The following ROBO2 variants were observed in gnomAD, a reference collection of about 807,000 sequenced individuals.
ROBO2 encodes roundabout homolog 2.
In ROBO2, 53 loss-of-function variants were observed where a neutral mutation model predicts 160.8. The observed-to-expected ratio is 0.33, with a 90% CI of 0.26 to 0.41. The LOEUF is 0.41. Ranked by LOEUF, ROBO2 falls within the 10% of genes least tolerant of loss-of-function variation. ROBO2 has a pLI of 1.00. For synonymous variants in ROBO2, 664 were observed against 611.7 expected (o/e 1.09, Z -1.26); for missense variants, 1,577 against 1,722.4 (o/e 0.92, Z 1.49).
intron 2 of ROBO2, among the ~76,000 whole-genome samples, chr3:76,753,034 A>G (rs142810522): frequency 0.014 from 2,090 of 152,008 alleles, 54 homozygotes; most frequent in African/African-American, 0.048. Flanking sequence ...GTTAAGTAAG[A>G]CATTTCTGGT....
At chr3:76,926,485 A>G (rs2076999384) in intron 2 of ROBO2, among the ~76,000 whole-genome samples, 1 of 152,098 alleles carries the variant, frequency 6.6e-6, no homozygotes, top group Non-Finnish European at 1.5e-5. Flanking sequence ...AGGATAATGT[A>G]TTGGAAGTGT....
chr3:76,103,921 A>G (rs1399568644), intron 2 of ROBO2, among the ~76,000 whole-genome samples: 1 of 152,212 alleles, frequency 6.6e-6, no homozygotes, highest in Non-Finnish European at 1.5e-5. Flanking sequence ...CCCAGTGAAC[A>G]TAAAAAACCA....
At chr3:76,613,281 G>A (rs2088288963) in intron 2 of ROBO2, among the ~76,000 whole-genome samples, 1 of 151,952 alleles carries the variant, frequency 6.6e-6, no homozygotes, top group Non-Finnish European at 1.5e-5. Flanking sequence ...ACTGTCATAT[G>A]CTTTTTGAGT....
At chr3:76,578,370 T>C (rs1212328507) in intron 2 of ROBO2, among the ~76,000 whole-genome samples, 3 of 152,120 alleles carry the variant, frequency 2.0e-5, no homozygotes, top group Non-Finnish European at 4.4e-5. Context: ...ATTTTCTCAG[T>C]CGAGCTTCCC....
At chr3:76,177,026 C>T (rs2073256110) in intron 2 of ROBO2, among the ~76,000 whole-genome samples, 1 of 152,000 alleles carries the variant, frequency 6.6e-6, no homozygotes, top group Non-Finnish European at 1.5e-5. Flanking sequence ...CCACAGTCTC[C>T]AAATCTTTTC....
At chr3:76,030,346 G>A (rs2066879748) in intron 2 of ROBO2, among the ~76,000 whole-genome samples, 1 of 152,066 alleles carries the variant, frequency 6.6e-6, no homozygotes, top group Admixed American at 6.5e-5. Context: ...AGTTTCTTTT[G>A]CTGGGCAGAA....
intron 2 of ROBO2, among the ~76,000 whole-genome samples, chr3:77,034,332 C>A (rs541341169): frequency 6.7e-5 from 10 of 149,504 alleles, no homozygotes; most frequent in African/African-American, 2.5e-4. Flanking sequence ...ACTTATACTC[C>A]TGGCTGGCAT....
intron 2 of ROBO2, among the ~76,000 whole-genome samples, chr3:76,936,443 A>G (rs940185647): frequency 7.9e-5 from 12 of 152,138 alleles, no homozygotes; most frequent in Admixed American, 2.0e-4. Flanking sequence ...AAATGTGTAA[A>G]GATTTTGTAT....
At chr3:76,350,809 C>T (rs1388533010) in intron 2 of ROBO2, among the ~76,000 whole-genome samples, 1 of 151,740 alleles carries the variant, frequency 6.6e-6, no homozygotes, top group Non-Finnish European at 1.5e-5. Context: ...TTGCCATCTC[C>T]TTTTTCTGTT....
At chr3:75,973,565 G>C (rs2065052338) in intron 2 of ROBO2, among the ~76,000 whole-genome samples, 2 of 151,542 alleles carry the variant, frequency 1.3e-5, no homozygotes, top group East Asian at 2.0e-4. Context: ...ACAACAAAAA[G>C]TATAGATAGA....
chr3:76,051,638 T>C (rs567758783), intron 2 of ROBO2, among the ~76,000 whole-genome samples: 1 of 152,182 alleles, frequency 6.6e-6, no homozygotes, highest in South Asian at 2.1e-4. Flanking sequence ...ATAATACATA[T>C]TTGCTACCAC....
In ROBO2 at chr3:75,989,711, A is replaced by G. The variant is rs181165086; in HGVS notation, c.109+52109A>G. Among the ~76,000 whole-genome samples, 894 of 152,328 alleles carry G rather than the reference A, an allele frequency of 5.9e-3. 10 individuals are homozygous for G. The highest frequency in any genetic ancestry group is 4.5e-3 in the Non-Finnish European group (309 of 68,024). On this transcript the variant is annotated intron_variant, in intron 2 of 26. Coordinates refer to the ROBO2 transcript ENST00000487694. ...CTGGAACCGTGTTAATATAAGAATG[A>G]TGTCAATACAAAATAAAATTTGAAG... is the stretch of plus-strand genomic sequence containing the variant.
chr3:76,718,796 G>T (rs2093422005), intron 2 of ROBO2, among the ~76,000 whole-genome samples: 1 of 152,282 alleles, frequency 6.6e-6, no homozygotes, highest in Non-Finnish European at 1.5e-5. Context: ...CAGTACAAAG[G>T]TCACATATTA....
At chr3:76,617,850 C>G (rs1291828927) in intron 2 of ROBO2, among the ~76,000 whole-genome samples, 1 of 151,572 alleles carries the variant, frequency 6.6e-6, no homozygotes, top group Non-Finnish European at 1.5e-5. Flanking sequence ...CACAGTGAGG[C>G]AGGAGAGAGA....
intron 2 of ROBO2, among the ~76,000 whole-genome samples, chr3:76,692,856 G>C (rs1280836964): frequency 6.6e-6 from 1 of 151,622 alleles, no homozygotes; most frequent in Non-Finnish European, 1.5e-5. Context: ...CAGAGAAACA[G>C]AACACACTCA....
At chr3:76,163,198 T>C (rs1026631754) in intron 2 of ROBO2, among the ~76,000 whole-genome samples, 3 of 151,992 alleles carry the variant, frequency 2.0e-5, no homozygotes, top group Admixed American at 6.6e-5. Context: ...TTAAAGAATA[T>C]GGTGAGCAGG....
intron 1 of ROBO2, among the ~76,000 whole-genome samples, chr3:75,920,556 A>G (rs1265723831): frequency 1.3e-5 from 2 of 152,196 alleles, no homozygotes; most frequent in Non-Finnish European, 2.9e-5. Context: ...CGCTTGGACC[A>G]GAGCTGAGTT....
At chr3:77,410,672 T>TTCC (rs1320285821) in intron 2 of ROBO2, among the ~76,000 whole-genome samples, 1 of 83,258 alleles carries the variant, frequency 1.2e-5, no homozygotes, top group Admixed American at 1.3e-4. Context: ...CCTCCTCCTC[T>TTCC]TCCTCCTCCT....
chr3:76,280,807 T>C (rs1012436351), intron 2 of ROBO2, among the ~76,000 whole-genome samples: 2 of 152,002 alleles, frequency 1.3e-5, no homozygotes, highest in African/African-American at 4.8e-5. Flanking sequence ...TTTCTTTCCC[T>C]CAGTGTCTGG....
Sources: gnomAD v4.1 joint callset for allele counts (sites outside exome capture counted in the v4.1 genomes callset) on GRCh38, gnomAD v4.1.1 for gene constraint, MANE v1.5 for transcripts, NCBI Gene and HGNC (gene_info 2026-07-23, HGNC 2026-07-21) for gene names.